Variants in ZNF215 observed in about 807,000 individuals in gnomAD.
The protein encoded by ZNF215 is BWSCR2-associated zinc finger protein 2.
Under a neutral mutation model 27.2 loss-of-function variants are expected in ZNF215, and 24 were observed. The observed-to-expected ratio is 0.88, with a 90% CI of 0.64 to 1.24. The LOEUF (loss-of-function observed/expected upper bound fraction) is 1.24, where lower values mean the gene tolerates loss of function less well. Among genes scored for constraint, ZNF215 ranks in the 50% most tolerant of loss-of-function variants. The pLI is 0.00. For synonymous variants in ZNF215, 210 were observed against 204.0 expected (o/e 1.03, Z -0.25); for missense variants, 675 against 605.7 (o/e 1.11, Z -1.20).
At chr11:6,943,498 G>C in intron 5 of ZNF215, 48 bp from the exon 6 acceptor site, 1 of 1,510,164 alleles carries the variant, frequency 6.6e-7, no homozygotes, top group Non-Finnish European at 9.2e-7. Flanking sequence ...TGTCTGAAGT[G>C]TCATATATGT....
chr11:6,975,267 C>A (rs1850806994), intron 5 of ZNF215, among the ~76,000 whole-genome samples: 1 of 151,514 alleles, frequency 6.6e-6, no homozygotes, highest in Admixed American at 6.6e-5. Context: ...TTTGTGGGTA[C>A]ATAGTAGGTG....
chr11:6,991,441 T>C (rs1851116617), downstream of ZNF215, among the ~76,000 whole-genome samples: 1 of 152,222 alleles, frequency 6.6e-6, no homozygotes, highest in Non-Finnish European at 1.5e-5. Context: ...GGTACTCCAG[T>C]GCTCCCCCGC....
At chr11:6,959,657 A>G (rs1283291726), downstream of ZNF215, among the ~76,000 whole-genome samples, 1 of 152,222 alleles carries the variant, frequency 6.6e-6, no homozygotes, top group Admixed American at 6.5e-5. Context: ...GAAGACTACT[A>G]TAGAGATTTT....
chr11:6,954,691 TG>T (rs1323158459), intron 6 of ZNF215, among the ~76,000 whole-genome samples: 1 of 152,198 alleles, frequency 6.6e-6, no homozygotes, highest in African/African-American at 2.4e-5. Flanking sequence ...GCTTCCCGAG[TG>T]AAGCAATGCC....
At chr11:6,974,658 T>C (rs1252030914) in intron 5 of ZNF215, among the ~76,000 whole-genome samples, 1 of 152,170 alleles carries the variant, frequency 6.6e-6, no homozygotes, top group Non-Finnish European at 1.5e-5. Context: ...GAAGCAATTG[T>C]GAATGGGAGT....
chr11:6,985,772 C>A (rs1851044926), downstream of ZNF215, among the ~76,000 whole-genome samples: 1 of 151,988 alleles, frequency 6.6e-6, no homozygotes, highest in African/African-American at 2.4e-5. Context: ...ATCAAGAATG[C>A]AATCCTATTT....
rs149973156 is a variant in ZNF215, at chr11:6,983,189, C to T, written c.806-940C>T. ...TGGATAAACTCCTCGACACATACACCCTCCCAAGACTAAATCAGGAAGAAG... is the reference window on the plus strand; with the variant it reads ...TGGATAAACTCCTCGACACATACACTCTCCCAAGACTAAATCAGGAAGAAG... On this transcript the variant is annotated intron_variant, in intron 5 of 5. Transcript: ENST00000529903. 7.6e-3 allele frequency among the ~76,000 whole-genome samples: 1,151 copies of T among 152,194 alleles called. 18 individuals are homozygous for T. Among genetic ancestry groups the T allele is most frequent in the African/African-American group, 0.026 (1,077 of 41,514 alleles).
chr11:6,986,259 A>T (rs981045465), downstream of ZNF215, among the ~76,000 whole-genome samples: 5 of 152,206 alleles, frequency 3.3e-5, no homozygotes, highest in Non-Finnish European at 7.3e-5. Flanking sequence ...GACAAAATCA[A>T]CAACAATAAG....
At position 6,943,246 on chromosome 11, in the gene ZNF215, A is replaced by C. The variant is rs367788715; in HGVS notation, c.616+31A>C. The stretch of plus-strand genomic sequence containing the variant: ...TTCTATATGTTTACCTAATCTGTCC[A>C]TTTAGTAATCTCTTCCTACCGTTAA... On this transcript the variant is annotated intron_variant, in intron 5 of 6. Coordinates refer to ENST00000278319, the MANE Select transcript of ZNF215 (RefSeq NM_013250.4). The C allele has an allele frequency of 6.3e-6, 10 of 1,588,360 alleles. No individual in the cohort carries two copies. In the African/African-American group the frequency reaches 9.5e-5, roughly 15 times the overall value.
In ZNF215 at chr11:6,957,155, C is replaced by G. The variant is rs528052263; in HGVS notation, c.*624C>G. The G allele has an allele frequency of 2.0e-6, 2 of 985,366 alleles. No homozygotes were observed. The highest frequency in any genetic ancestry group is 6.1e-5 in the Admixed American group (1 of 16,284). The allele number at this position is 985,366 out of a possible 1,614,324, so 61.0% of individuals were successfully genotyped here. A position where few individuals can be genotyped will look rare whatever the true frequency, so the allele number is the denominator to read the frequency against. The stretch of plus-strand genomic sequence containing the variant: ...GTATTGCTGTTAATCTATATGTATT[C>G]TTAAAATCTGCATTTGTTTATAGCA... On this transcript the variant is annotated 3_prime_UTR_variant, in exon 7 of 7. Transcript: ENST00000278319.
At chr11:6,983,056 T>G (rs1334947975) in intron 5 of ZNF215, among the ~76,000 whole-genome samples, 1 of 148,532 alleles carries the variant, frequency 6.7e-6, no homozygotes, top group African/African-American at 2.5e-5. Context: ...ATAGATGCAA[T>G]AAAAAATGAT....
At chr11:6,945,522 C>T (rs780138173) in intron 6 of ZNF215, among the ~76,000 whole-genome samples, 2 of 152,190 alleles carry the variant, frequency 1.3e-5, no homozygotes, top group African/African-American at 2.4e-5. Context: ...TCACCTGAAA[C>T]AGTTGTTGCT....
intron 6 of ZNF215, among the ~76,000 whole-genome samples, chr11:6,949,302 A>T (rs931852905): frequency 1.6e-4 from 25 of 152,120 alleles, no homozygotes; most frequent in Non-Finnish European, 1.8e-4. Flanking sequence ...TTTCTAGTTC[A>T]AGATCCCTGA....
At chr11:6,992,295 G>C (rs1252138408), downstream of ZNF215, among the ~76,000 whole-genome samples, 1 of 152,194 alleles carries the variant, frequency 6.6e-6, no homozygotes, top group Non-Finnish European at 1.5e-5. Flanking sequence ...TAAAATGGTT[G>C]TTGTTAGGTA....
chr11:6,956,935 C>G lies in ZNF215; in HGVS notation c.*404C>G. 1 of 992,236 alleles carries G rather than the reference C, an allele frequency of 1.0e-6. No homozygotes were observed. The highest frequency in any genetic ancestry group is 4.6e-5 in the South Asian group (1 of 21,876). The allele number at this position is 992,236 out of a possible 1,614,324, so 61.5% of individuals were successfully genotyped here. On this transcript the variant is annotated 3_prime_UTR_variant, in exon 7 of 7. Coordinates refer to ENST00000278319, the MANE Select transcript of ZNF215 (RefSeq NM_013250.4). ...AGTTGATATTTAATAAAACTCAGCC[C>G]TTTTAAGAAGGTCACAAGAAATCAT...
rs774987067 is a variant in ZNF215, at chr11:6,956,057, C to T, written c.1080C>T (p.Asp360=). Residue 360 remains aspartate (D), a synonymous_variant, in exon 7 of 7, where the codon GAC becomes GAT. Transcript: ENST00000278319. ...KQHSEYEYGN[D]LSLSTDIRHQ... ...ATTCAGAATATGAATATGGGAATGACTTGAGTTTGAGTACAGATATTCGAC... is the reference window on the plus strand; with the variant it reads ...ATTCAGAATATGAATATGGGAATGATTTGAGTTTGAGTACAGATATTCGAC... The T allele has an allele frequency of 2.5e-6, 4 of 1,609,530 alleles. No homozygotes were observed. In the East Asian group the frequency reaches 8.9e-5, roughly 36 times the overall value.
rs1003242396 is a variant in ZNF215, at chr11:6,937,494, T to C, written c.401-4077T>C. Among the ~76,000 whole-genome samples the C allele has an allele frequency of 1.5e-3, 219 of 144,314 alleles. 4 individuals are homozygous for C. Among genetic ancestry groups the C allele is most frequent in the Middle Eastern group, 3.6e-3 (1 of 280 alleles). The allele number at this position is 144,314 out of a possible 152,430, so 94.7% of individuals were successfully genotyped here. On this transcript the variant is annotated intron_variant, in intron 3 of 6. Transcript: ENST00000278319. ...TATCAAAATCTCAGCTGCTTTTTTT[T>C]TTTTTTTTTTTTTTTTGTCAGAAAT... is the stretch of plus-strand genomic sequence containing the variant.
intron 3 of ZNF215, among the ~76,000 whole-genome samples, chr11:6,937,486 C>CTTT (rs57676890): frequency 7.6e-5 from 9 of 118,932 alleles, no homozygotes; most frequent in African/African-American, 2.0e-4. Flanking sequence ...ATCTCAGCTG[C>CTTT]TTTTTTTTTT....
In ZNF215 at chr11:6,955,802, G is replaced by C; in HGVS notation, c.825G>C (p.Arg275Ser). The C allele has an allele frequency of 6.2e-7, 1 of 1,613,710 alleles. No homozygotes were observed. The highest frequency in any genetic ancestry group is 1.1e-5 in the South Asian group (1 of 90,912). ...DAWKGENWLY[R>S]NQKKWDINLP... is the part of the protein sequence containing the mutation. ...GGAAAGGTGAGAATTGGTTATATAG[G>C]AACCAGAAAAAATGGGACATAAATT... The change falls in exon 7 of 7, where the codon AGG becomes AGC. Residue 275 changes from arginine to serine, a missense_variant. Coordinates refer to ENST00000278319, the MANE Select transcript of ZNF215 (RefSeq NM_013250.4).
Sources: allele counts gnomAD v4.1 joint callset (sites outside exome capture counted in the v4.1 genomes callset), GRCh38; gene constraint gnomAD v4.1.1; transcripts MANE v1.5; gene names NCBI Gene and HGNC (gene_info 2026-07-23, HGNC 2026-07-21).